The following PSMD1 variants were observed in gnomAD, a reference collection of about 807,000 sequenced individuals.
PSMD1 encodes the protein 26S proteasome non-ATPase regulatory subunit 1.
Under a neutral mutation model 119.0 loss-of-function variants are expected in PSMD1, and 18 were observed. The ratio of observed to expected loss-of-function variants is 0.15; its 90% CI spans 0.10 to 0.22. The LOEUF (loss-of-function observed/expected upper bound fraction) is 0.22. PSMD1 is among the 10% of genes least tolerant of loss of function. PSMD1 has a pLI of 1.00. For missense variants in PSMD1, 702 were observed against 1,158.5 expected (o/e 0.61, Z 5.72); for synonymous variants, 374 against 396.6 (o/e 0.94, Z 0.68).
At chr2:231,061,189 A>G (rs1010861367) in intron 1 of PSMD1, 78 bp from the exon 2 acceptor site, 1 of 1,131,908 alleles carries the variant, frequency 8.8e-7, no homozygotes, top group East Asian at 2.5e-5. Flanking sequence ...TTCAGCCATC[A>G]TGTATTTTTG....
At chr2:231,165,082 A>ATG (rs1559255945) in intron 21 of PSMD1, 118 bp from the exon 22 acceptor site, 1 of 98,228 alleles carries the variant, frequency 1.0e-5, no homozygotes, top group Non-Finnish European at 2.0e-5. Context: ...ATATATATAT[A>ATG]TATATATATG....
chr2:231,124,092 G>A (rs1165212130), intron 16 of PSMD1: 2 of 279,776 alleles, frequency 7.1e-6, no homozygotes. Context: ...TGCCGTAGTT[G>A]TAGAGTCGTG....
intron 19 of PSMD1, among the ~76,000 whole-genome samples, chr2:231,158,614 C>T (rs529410518): frequency 6.6e-6 from 1 of 152,298 alleles, no homozygotes; most frequent in African/African-American, 2.4e-5. Context: ...TCAAATAGCA[C>T]GTTAGCTAGG....
intron 19 of PSMD1, among the ~76,000 whole-genome samples, chr2:231,160,351 T>G (rs902364449): frequency 1.3e-5 from 2 of 152,186 alleles, no homozygotes; most frequent in Non-Finnish European, 1.5e-5. Context: ...TTTAAGTGGC[T>G]TAATAATTCG....
chr2:231,080,952 G>A (rs1194795911), intron 12 of PSMD1, among the ~76,000 whole-genome samples: 1 of 152,046 alleles, frequency 6.6e-6, no homozygotes. Context: ...AGACCAGCCT[G>A]GCCAACATGG....
chr2:231,152,919 C>A (rs1696403018), intron 18 of PSMD1, among the ~76,000 whole-genome samples: 2 of 152,032 alleles, frequency 1.3e-5, no homozygotes, highest in South Asian at 4.1e-4. Context: ...ATGTTCTAAT[C>A]ATAAAAATAA....
At chr2:231,057,289 G>C (rs1405482524) in intron 1 of PSMD1, among the ~76,000 whole-genome samples, 1 of 152,152 alleles carries the variant, frequency 6.6e-6, no homozygotes, top group African/African-American at 2.4e-5. Flanking sequence ...CCCAGCGCCA[G>C]GACCCGAGGG....
chr2:231,113,669 C>T (rs367567751), intron 16 of PSMD1: 1 of 1,470,320 alleles, frequency 6.8e-7, no homozygotes. Context: ...CTGGTATTCT[C>T]CTAGCCAAGT....
At chr2:231,130,775 A>G (rs1431923823) in intron 16 of PSMD1, among the ~76,000 whole-genome samples, 2 of 152,178 alleles carry the variant, frequency 1.3e-5, no homozygotes, top group African/African-American at 4.8e-5. Flanking sequence ...TTTTCTAAAT[A>G]TGTTTATGGA....
rs191514063 is a variant in PSMD1 at position 231,061,015 on chromosome 2, A to G, written c.17-252A>G. On this transcript the variant is annotated intron_variant, in intron 1 of 24. Transcript: ENST00000308696. ...GGTTCCCAGGCAATGCTGTTAGTCC[A>G]GGGAACACACTGAAAACCATTGAAT... Among the ~76,000 whole-genome samples, 941 of 152,312 alleles carry G rather than the reference A, an allele frequency of 6.2e-3. 8 individuals are homozygous for G. The highest frequency in any genetic ancestry group is 7.0e-3 in the Admixed American group (107 of 15,298).
At chr2:231,152,919 C>CATAAAAATAATACAT (rs1696403116) in intron 18 of PSMD1, among the ~76,000 whole-genome samples, 1 of 152,032 alleles carries the variant, frequency 6.6e-6, no homozygotes, top group Non-Finnish European at 1.5e-5. Context: ...ATGTTCTAAT[C>CATAAAAATAATACAT]ATAAAAATAA....
chr2:231,075,952 A>G (rs1324391501), intron 8 of PSMD1, among the ~76,000 whole-genome samples: 1 of 152,202 alleles, frequency 6.6e-6, no homozygotes, highest in Non-Finnish European at 1.5e-5. Flanking sequence ...AGGATATTGT[A>G]AATTCTTTCA....
intron 5 of PSMD1, among the ~76,000 whole-genome samples, chr2:231,067,571 C>A (rs558389081): frequency 6.6e-6 from 1 of 152,322 alleles, no homozygotes; most frequent in South Asian, 2.1e-4. Flanking sequence ...TGAGCTAGCT[C>A]TCTGTACACT....
intron 16 of PSMD1, among the ~76,000 whole-genome samples, chr2:231,112,735 A>C (rs1695195847): frequency 6.6e-6 from 1 of 152,348 alleles, no homozygotes; most frequent in South Asian, 2.1e-4. Context: ...ATACTTCATG[A>C]TAAGAAGTAT....
intron 16 of PSMD1, among the ~76,000 whole-genome samples, chr2:231,097,227 T>C (rs937349520): frequency 2.6e-4 from 39 of 152,210 alleles, no homozygotes; most frequent in African/African-American, 9.4e-4. Context: ...ATGCATGGTA[T>C]GACACAGCAC....
intron 6 of PSMD1, among the ~76,000 whole-genome samples, chr2:231,070,638 A>G (rs1694021556): frequency 6.6e-6 from 1 of 152,064 alleles, no homozygotes; most frequent in Non-Finnish European, 1.5e-5. Context: ...AAAAATTCAG[A>G]TGGTACAGAA....
chr2:231,057,175 C>A, intron 1 of PSMD1, 134 bp downstream of exon 1: 1 of 1,129,152 alleles, frequency 8.9e-7, no homozygotes. Context: ...CCAGGGCCCA[C>A]CCCCGGGCCG....
At chr2:231,107,574 A>G (rs1368812859) in intron 16 of PSMD1, among the ~76,000 whole-genome samples, 1 of 152,234 alleles carries the variant, frequency 6.6e-6, no homozygotes, top group African/African-American at 2.4e-5. Context: ...TGAAGAAATT[A>G]AGTATTTTTC....
At chr2:231,100,901 A>G (rs528951461) in intron 16 of PSMD1, among the ~76,000 whole-genome samples, 2 of 151,978 alleles carry the variant, frequency 1.3e-5, no homozygotes, top group Non-Finnish European at 2.9e-5. Context: ...CTTCACCTTC[A>G]TTTTCGAGGG....
Sources: gnomAD v4.1 joint callset for allele counts (sites outside exome capture counted in the v4.1 genomes callset) on GRCh38, gnomAD v4.1.1 for gene constraint, MANE v1.5 for transcripts, NCBI Gene and HGNC (gene_info 2026-07-23, HGNC 2026-07-21) for gene names.